IFNAR1: variants seen among roughly 807,000 people sequenced by gnomAD.
IFNAR1 encodes interferon alpha and beta receptor subunit 1.
Under a neutral mutation model 62.1 loss-of-function variants are expected in IFNAR1, and 47 were observed. The ratio of observed to expected loss-of-function variants is 0.76; its 90% confidence interval spans 0.60 to 0.97. The LOEUF is 0.97. Among genes scored for constraint, IFNAR1 ranks in the 50% least tolerant of loss-of-function variants. The pLI, the probability that IFNAR1 is intolerant of heterozygous loss-of-function variation, is 0.00. For synonymous variants in IFNAR1, 219 were observed against 226.9 expected (o/e 0.97, Z 0.31); for missense variants, 638 against 654.5 (o/e 0.97, Z 0.27).
intron 6 of IFNAR1, among the ~76,000 whole-genome samples, chr21:33,345,829 A>G (rs939682075): frequency 6.6e-6 from 1 of 152,226 alleles, no homozygotes; most frequent in Non-Finnish European, 1.5e-5. Context: ...ATTTTGTAGT[A>G]GATACTTCGG....
At chr21:33,349,803 A>G (rs571410433) in intron 8 of IFNAR1, among the ~76,000 whole-genome samples, 1 of 151,890 alleles carries the variant, frequency 6.6e-6, no homozygotes, top group South Asian at 2.1e-4. Context: ...GCGTGCACCT[A>G]TATTCCCAGC....
chr21:33,350,867 T>C (rs2083391286), intron 8 of IFNAR1, among the ~76,000 whole-genome samples: 4 of 152,244 alleles, frequency 2.6e-5, no homozygotes, highest in Admixed American at 2.6e-4. Context: ...TGCTAAACTG[T>C]GTAACCTTAC....
At chr21:33,333,717 G>A (rs948106251) in intron 1 of IFNAR1, among the ~76,000 whole-genome samples, 9 of 149,238 alleles carry the variant, frequency 6.0e-5, no homozygotes, top group African/African-American at 2.0e-4. Flanking sequence ...TCCGCCTCCC[G>A]GGTTCACGCC....
chr21:33,338,904 G>A (rs1280346771), intron 2 of IFNAR1, among the ~76,000 whole-genome samples: 3 of 151,656 alleles, frequency 2.0e-5, no homozygotes, highest in African/African-American at 4.8e-5. Flanking sequence ...CCCCACGCCC[G>A]GCTAATTTTG....
At chr21:33,339,276 A>G (rs981233295) in intron 2 of IFNAR1, among the ~76,000 whole-genome samples, 7 of 152,148 alleles carry the variant, frequency 4.6e-5, no homozygotes, top group Admixed American at 4.6e-4. Flanking sequence ...CTTTTCAAGA[A>G]TGTTTAAGGT....
chr21:33,333,233 A>G (rs1479181954), intron 1 of IFNAR1, among the ~76,000 whole-genome samples: 1 of 152,242 alleles, frequency 6.6e-6, no homozygotes, highest in Non-Finnish European at 1.5e-5. Flanking sequence ...TATGCCCAGC[A>G]AAACTATCCT....
intron 8 of IFNAR1, among the ~76,000 whole-genome samples, chr21:33,349,887 C>T (rs2083384486): frequency 1.3e-5 from 2 of 151,822 alleles, no homozygotes; most frequent in African/African-American, 4.8e-5. Context: ...CACTGCACTC[C>T]AGCCTGGGTG....
chr21:33,345,808 G>A (rs1385211612), intron 6 of IFNAR1, among the ~76,000 whole-genome samples: 1 of 152,170 alleles, frequency 6.6e-6, no homozygotes, highest in African/African-American at 2.4e-5. Context: ...TACTTTAGTG[G>A]TTTTGACAAA....
chr21:33,345,083 C>T (rs1007669128), intron 5 of IFNAR1, among the ~76,000 whole-genome samples, 163 bp from the exon 6 acceptor site: 5 of 152,264 alleles, frequency 3.3e-5, no homozygotes, highest in Non-Finnish European at 7.4e-5. Flanking sequence ...CCACTGCGCC[C>T]GGCCTGTAGT....
intron 1 of IFNAR1, among the ~76,000 whole-genome samples, chr21:33,326,817 G>T (rs948700098): frequency 6.6e-6 from 1 of 151,734 alleles, no homozygotes; most frequent in Non-Finnish European, 1.5e-5. Flanking sequence ...AATAATAAAA[G>T]AAAAATACAA....
intron 2 of IFNAR1, among the ~76,000 whole-genome samples, chr21:33,337,701 TAC>T (rs2083253015): frequency 7.1e-6 from 1 of 141,254 alleles, no homozygotes; most frequent in Non-Finnish European, 1.6e-5. Flanking sequence ...TACATACATA[TAC>T]ACACATTGTG....
intron 2 of IFNAR1, 142 bp from the exon 3 acceptor site, chr21:33,340,857 C>T (rs1171698859): frequency 3.4e-6 from 2 of 583,374 alleles, no homozygotes; most frequent in African/African-American, 1.9e-5. Flanking sequence ...GAAGAAATAA[C>T]TCTTAAACCA....
intron 1 of IFNAR1, among the ~76,000 whole-genome samples, chr21:33,331,848 C>G (rs767967367): frequency 1.3e-5 from 2 of 152,180 alleles, no homozygotes; most frequent in East Asian, 1.9e-4. Context: ...TATAGTCAGG[C>G]CAGTGCTATG....
intron 9 of IFNAR1, 25 bp downstream of exon 9, chr21:33,352,933 T>A (rs954804228): frequency 3.3e-6 from 5 of 1,529,206 alleles, no homozygotes; most frequent in South Asian, 2.5e-5. Flanking sequence ...TTGTCTTTTT[T>A]AAAAATGTAG....
chr21:33,345,124 G>T, intron 5 of IFNAR1, 122 bp from the exon 6 acceptor site: 1 of 629,532 alleles, frequency 1.6e-6, no homozygotes. Flanking sequence ...ATTACATAGT[G>T]TGAATACAAA....
Position 33,358,720 on chromosome 21 carries a change from T to C in IFNAR1, c.*3171T>C, listed in dbSNP as rs555718535. 1 of 152,100 alleles carries C rather than the reference T, an allele frequency of 6.6e-6. No individual in the cohort carries two copies. The highest frequency in any genetic ancestry group is 1.5e-5 in the Non-Finnish European group (1 of 68,024). The allele number at this position is 152,100 out of a possible 1,614,324, so 9.4% of individuals were successfully genotyped here. A position where few individuals can be genotyped will look rare whatever the true frequency, so the allele number is the denominator to read the frequency against. On this transcript the variant is annotated 3_prime_UTR_variant, in exon 11 of 11. Coordinates refer to ENST00000270139, the MANE Select transcript of IFNAR1 (RefSeq NM_000629.3). ...TACTTTTAAAAATATAAGTTAGGGC[T>C]AGGCACAGTGGCTCATGCCTATAAT...
intron 1 of IFNAR1, chr21:33,334,563 C>A: frequency 5.6e-6 from 3 of 531,978 alleles, no homozygotes; most frequent in South Asian, 5.0e-5. Context: ...AACTGCCCTG[C>A]GAGAAATGCT....
In IFNAR1 at chr21:33,353,619, A is replaced by G; in HGVS notation, c.1295-19A>G. 7.0e-7 allele frequency: 1 copy of G among 1,436,630 alleles called. No homozygotes were observed. The highest frequency in any genetic ancestry group is 1.3e-5 in the South Asian group (1 of 79,196). 89.0% of individuals were successfully genotyped at this position (1,436,630 alleles called of 1,614,324 possible). On this transcript the variant is annotated intron_variant, in intron 9 of 10. Transcript: ENST00000270139. ...TTGTATGTCAAAATATATGCTAAAT[A>G]TCACGTATATCTTTTTAGGAAATAC... is the stretch of plus-strand genomic sequence containing the variant.
At chr21:33,332,304 G>A (rs146716562) in intron 1 of IFNAR1, among the ~76,000 whole-genome samples, 44 of 152,274 alleles carry the variant, frequency 2.9e-4, no homozygotes, top group African/African-American at 9.6e-4. Flanking sequence ...AGGTAAAGCA[G>A]CTGCTTTACC....
Sources: allele counts gnomAD v4.1 joint callset (sites outside exome capture counted in the v4.1 genomes callset), GRCh38; gene constraint gnomAD v4.1.1; transcripts MANE v1.5; gene names NCBI Gene and HGNC (gene_info 2026-07-23, HGNC 2026-07-21).